Variants in ST6GALNAC3 observed in about 807,000 individuals in gnomAD.
The protein encoded by ST6GALNAC3 is ST6 N-acetylgalactosaminide alpha-2,6-sialyltransferase 3, also known as alpha-N-acetylgalactosaminide alpha-2,6-sialyltransferase 3.
A neutral mutation model predicts 32.7 loss-of-function variants in ST6GALNAC3; 25 were observed. The ratio of observed to expected loss-of-function variants is 0.76; its 90% CI spans 0.56 to 1.07. The LOEUF is 1.07. ST6GALNAC3 is among the 50% of genes least tolerant of loss of function. ST6GALNAC3 has a pLI of 0.00. For missense variants in ST6GALNAC3, 355 were observed against 382.4 expected, an observed-to-expected ratio of 0.93 and a Z score of 0.60; for synonymous variants, 129 against 133.1, an observed-to-expected ratio of 0.97 and a Z score of 0.21.
intron 2 of ST6GALNAC3, among the ~76,000 whole-genome samples, chr1:76,323,647 A>C (rs1181521291): frequency 1.3e-5 from 2 of 152,228 alleles, no homozygotes; most frequent in Non-Finnish European, 2.9e-5. Context: ...GGGATAAATA[A>C]AATTTTTTCA....
At chr1:76,346,589 T>C (rs772821936) in intron 2 of ST6GALNAC3, among the ~76,000 whole-genome samples, 2 of 152,196 alleles carry the variant, frequency 1.3e-5, no homozygotes, top group Non-Finnish European at 2.9e-5. Context: ...ACGATTTACT[T>C]TGGCTGCAAT....
chr1:76,085,374 G>A (rs1329129729), intron 1 of ST6GALNAC3, among the ~76,000 whole-genome samples: 3 of 152,202 alleles, frequency 2.0e-5, no homozygotes, highest in South Asian at 2.1e-4. Context: ...ACAGTGAAGA[G>A]CAGTGTGGTT....
At chr1:76,464,804 A>C (rs1658517084) in intron 3 of ST6GALNAC3, among the ~76,000 whole-genome samples, 1 of 152,176 alleles carries the variant, frequency 6.6e-6, no homozygotes, top group South Asian at 2.1e-4. Flanking sequence ...TGGGAGTAAA[A>C]GAATGTAGGT....
At chr1:76,459,946 A>G (rs972968196) in intron 3 of ST6GALNAC3, among the ~76,000 whole-genome samples, 6 of 152,142 alleles carry the variant, frequency 3.9e-5, no homozygotes, top group Non-Finnish European at 8.8e-5. Context: ...GTTGTTATGC[A>G]TATTCTTGTA....
chr1:76,419,752 T>C (rs963496671), intron 3 of ST6GALNAC3, among the ~76,000 whole-genome samples: 3 of 152,140 alleles, frequency 2.0e-5, no homozygotes, highest in Non-Finnish European at 2.9e-5. Flanking sequence ...TTTAATTGCT[T>C]GGGCAAATAT....
chr1:76,221,772 C>A (rs1655785979), intron 1 of ST6GALNAC3, among the ~76,000 whole-genome samples: 1 of 152,150 alleles, frequency 6.6e-6, no homozygotes, highest in South Asian at 2.1e-4. Context: ...CCTCTTTATG[C>A]TCCCTACAAT....
At chr1:76,304,612 G>T (rs1026624850) in intron 1 of ST6GALNAC3, among the ~76,000 whole-genome samples, 2 of 152,056 alleles carry the variant, frequency 1.3e-5, no homozygotes, top group African/African-American at 4.8e-5. Context: ...GGACAGGAAA[G>T]GGAGAGATGG....
chr1:76,578,738 C>T (rs545597989), intron 3 of ST6GALNAC3, among the ~76,000 whole-genome samples: 33 of 152,086 alleles, frequency 2.2e-4, no homozygotes, highest in South Asian at 4.2e-4. Flanking sequence ...ACACTACCTA[C>T]CCATGCCACC....
chr1:76,487,956 C>T (rs559058991), intron 3 of ST6GALNAC3, among the ~76,000 whole-genome samples: 1 of 152,138 alleles, frequency 6.6e-6, no homozygotes, highest in Non-Finnish European at 1.5e-5. Context: ...TCAGGACCCT[C>T]AGCTGCAGGT....
rs148826193 is a variant in ST6GALNAC3 at position 76,519,503 on chromosome 1, C to T, written c.623+107086C>T. ...CTTTGAAATGTGAGTAGTAGACTGA[C>T]GAACTGAATTTTAAAATTTCTTAAA... On this transcript the variant is annotated intron_variant, in intron 3 of 4. Transcript: ENST00000328299. Among the ~76,000 whole-genome samples the T allele has an allele frequency of 1.7e-3, 253 of 152,068 alleles. 1 individual carries two copies. Among genetic ancestry groups the T allele is most frequent in the African/African-American group, 5.8e-3 (241 of 41,444 alleles).
intron 3 of ST6GALNAC3, among the ~76,000 whole-genome samples, chr1:76,626,223 G>A (rs2100720808): frequency 6.6e-6 from 1 of 151,980 alleles, no homozygotes; most frequent in Non-Finnish European, 1.5e-5. Flanking sequence ...GCTGTATCCA[G>A]AGAGCGGTTA....
rs1652128635 is a variant in ST6GALNAC3, at chr1:76,386,788, TAGA to T, written c.214-25216_214-25214del. 3.9e-5 allele frequency among the ~76,000 whole-genome samples: 6 copies of T among 152,338 alleles called. No individual in the cohort carries two copies. In the South Asian group the frequency reaches 1.2e-3, roughly 32 times the overall value. On this transcript the variant is annotated intron_variant, in intron 2 of 4. Transcript: ENST00000328299. ...CAAGAGATTATTCTTCACCTCTGTG[TAGA>T]AGATTTCTGAAAGAGGAGTATTATC...
chr1:76,363,229 C>G (rs1409655559), intron 2 of ST6GALNAC3, among the ~76,000 whole-genome samples: 1 of 152,206 alleles, frequency 6.6e-6, no homozygotes, highest in Non-Finnish European at 1.5e-5. Flanking sequence ...ATATCGTACA[C>G]TTTGCTGTTT....
At chr1:76,188,260 G>A (rs1653689616) in intron 1 of ST6GALNAC3, among the ~76,000 whole-genome samples, 1 of 152,106 alleles carries the variant, frequency 6.6e-6, no homozygotes. Flanking sequence ...TACTCAGGAG[G>A]TTGAGGCAGG....
intron 3 of ST6GALNAC3, among the ~76,000 whole-genome samples, chr1:76,524,023 C>G (rs778531320): frequency 7.9e-5 from 12 of 152,206 alleles, no homozygotes; most frequent in Non-Finnish European, 1.6e-4. Flanking sequence ...ATTTTAGCCT[C>G]TCTAATACTT....
intron 3 of ST6GALNAC3, among the ~76,000 whole-genome samples, chr1:76,519,429 T>A (rs890974378): frequency 1.3e-5 from 2 of 152,168 alleles, no homozygotes; most frequent in Non-Finnish European, 2.9e-5. Flanking sequence ...AATTATTCAC[T>A]GCACTGTCCA....
intron 3 of ST6GALNAC3, among the ~76,000 whole-genome samples, chr1:76,490,042 C>T (rs1197596746): frequency 6.6e-6 from 1 of 152,120 alleles, no homozygotes; most frequent in Non-Finnish European, 1.5e-5. Context: ...TCACATGGCC[C>T]TCATATGCTT....
At chr1:76,451,206 A>G (rs538901366) in intron 3 of ST6GALNAC3, among the ~76,000 whole-genome samples, 1 of 152,334 alleles carries the variant, frequency 6.6e-6, no homozygotes, top group East Asian at 1.9e-4. Context: ...CTGCTAAGAA[A>G]GACATACCTG....
At chr1:76,460,005 G>T (rs1658170545) in intron 3 of ST6GALNAC3, among the ~76,000 whole-genome samples, 2 of 152,130 alleles carry the variant, frequency 1.3e-5, no homozygotes, top group South Asian at 4.1e-4. Context: ...GAATACTTAG[G>T]AGTAGAATTG....
Sources: gnomAD v4.1 joint callset for allele counts (sites outside exome capture counted in the v4.1 genomes callset) on GRCh38, gnomAD v4.1.1 for gene constraint, MANE v1.5 for transcripts, NCBI Gene and HGNC (gene_info 2026-07-23, HGNC 2026-07-21) for gene names.